GPHN: variants seen among roughly 807,000 people sequenced by gnomAD.
GPHN encodes the protein gephyrin.
A neutral mutation model predicts 95.5 loss-of-function variants in GPHN; 17 were observed. The ratio of observed to expected loss-of-function variants is 0.18; its 90% CI spans 0.12 to 0.27. The LOEUF (loss-of-function observed/expected upper bound fraction) is 0.27. GPHN is among the 10% of genes least tolerant of loss of function. GPHN has a pLI of 1.00. For synonymous variants in GPHN, 320 were observed against 322.5 expected (o/e 0.99, Z 0.08); for missense variants, 660 against 978.1 (o/e 0.67, Z 4.34).
At chr14:67,443,854 C>T in the GPHN span, among the ~76,000 whole-genome samples, 1 of 152,060 alleles carries the variant, frequency 6.6e-6, no homozygotes, top group Non-Finnish European at 1.5e-5. Flanking sequence ...GAAACAGGTA[C>T]AGAGAAATGT....
chr14:67,203,445 C>T, the GPHN span, among the ~76,000 whole-genome samples: 10 of 152,270 alleles, frequency 6.6e-5, no homozygotes, highest in African/African-American at 9.6e-5. Flanking sequence ...TCCTTGAAGA[C>T]GGGTGAAATC....
chr14:66,714,377 C>T (rs1432924659), intron 2 of GPHN, among the ~76,000 whole-genome samples: 1 of 152,100 alleles, frequency 6.6e-6, no homozygotes, highest in African/African-American at 2.4e-5. Context: ...ATTCTTTTAT[C>T]AGTTCTAGGA....
the GPHN span, among the ~76,000 whole-genome samples, chr14:67,262,387 T>C: frequency 6.6e-6 from 1 of 152,156 alleles, no homozygotes; most frequent in Non-Finnish European, 1.5e-5. Flanking sequence ...AGAGACCTTA[T>C]TCTATGCATT....
intron 11 of GPHN, among the ~76,000 whole-genome samples, chr14:67,074,515 G>A (rs2076423335): frequency 6.6e-6 from 1 of 152,032 alleles, no homozygotes; most frequent in Non-Finnish European, 1.5e-5. Flanking sequence ...TATTCTCTGA[G>A]ACACAGCAAG....
the GPHN span, chr14:67,333,040 G>A: frequency 7.2e-6 from 9 of 1,243,616 alleles, no homozygotes; most frequent in Middle Eastern, 1.9e-4. Context: ...CAGCAAGATT[G>A]AGGATAAGAT....
chr14:67,323,726 G>A, the GPHN span: 1 of 1,592,474 alleles, frequency 6.3e-7, no homozygotes, highest in South Asian at 1.1e-5. Context: ...CCGGAATTCA[G>A]ATTTGAAACC....
the GPHN span, among the ~76,000 whole-genome samples, chr14:67,599,752 G>C: frequency 6.6e-6 from 1 of 152,136 alleles, no homozygotes; most frequent in Non-Finnish European, 1.5e-5. Context: ...AGGCCGTCGC[G>C]CAAGAACTAG....
chr14:67,513,548 CCTGTAT>C, the GPHN span, among the ~76,000 whole-genome samples: 1 of 152,188 alleles, frequency 6.6e-6, no homozygotes, highest in Non-Finnish European at 1.5e-5. Context: ...TCCCCAGTTG[CCTGTAT>C]CTGTCTCCAA....
the GPHN span, chr14:67,642,142 G>A: frequency 6.3e-7 from 1 of 1,592,250 alleles, no homozygotes; most frequent in Admixed American, 1.7e-5. Flanking sequence ...AAGAGTTGGA[G>A]ATAGCACAGA....
At chr14:67,104,525 A>T (rs141631414) in intron 13 of GPHN, among the ~76,000 whole-genome samples, 2 of 152,200 alleles carry the variant, frequency 1.3e-5, no homozygotes, top group African/African-American at 4.8e-5. Flanking sequence ...TTACAGATTC[A>T]GTCTCATTAC....
intron 4 of GPHN, among the ~76,000 whole-genome samples, chr14:66,852,537 A>G (rs1000763330): frequency 2.6e-5 from 4 of 152,234 alleles, no homozygotes; most frequent in Non-Finnish European, 2.9e-5. Context: ...GTTCCCTGTT[A>G]TTATTTCTGG....
the GPHN span, among the ~76,000 whole-genome samples, chr14:67,505,010 A>C: frequency 5.3e-5 from 8 of 152,332 alleles, no homozygotes; most frequent in African/African-American, 1.9e-4. Context: ...AAGTTTTAAA[A>C]CATCCAGTCA....
chr14:66,964,310 A>G (rs1242600233), intron 8 of GPHN, among the ~76,000 whole-genome samples: 1 of 151,972 alleles, frequency 6.6e-6, no homozygotes, highest in Admixed American at 6.6e-5. Context: ...TAACCCTTGC[A>G]GTATTCCAGT....
the GPHN span, chr14:67,674,552 G>C: frequency 3.5e-6 from 5 of 1,437,392 alleles, no homozygotes; most frequent in Non-Finnish European, 4.6e-6. Flanking sequence ...TTCCTAGCCC[G>C]GCGGTCAGCC....
At chr14:67,178,726 A>G (rs987474811) in intron 21 of GPHN, among the ~76,000 whole-genome samples, 3 of 152,238 alleles carry the variant, frequency 2.0e-5, no homozygotes, top group South Asian at 4.1e-4. Context: ...ATCCAGATCC[A>G]GGAAGTTCAA....
At chr14:67,296,333 G>T in the GPHN span, among the ~76,000 whole-genome samples, 27 of 152,002 alleles carry the variant, frequency 1.8e-4, no homozygotes, top group Non-Finnish European at 2.9e-4. Context: ...GGATGCAGTG[G>T]CTCACGCCTG....
At chr14:67,606,801 C>T in the GPHN span, among the ~76,000 whole-genome samples, 1 of 152,106 alleles carries the variant, frequency 6.6e-6, no homozygotes, top group Admixed American at 6.6e-5. Context: ...CACGTGCCAC[C>T]ATGTCCAGCT....
At chr14:66,664,346 C>A (rs372632756) in intron 1 of GPHN, among the ~76,000 whole-genome samples, 1 of 152,132 alleles carries the variant, frequency 6.6e-6, no homozygotes. Context: ...CAAAACCACA[C>A]GATTGCATGA....
intron 18 of GPHN, among the ~76,000 whole-genome samples, chr14:67,153,814 T>C (rs2081424303): frequency 6.6e-6 from 1 of 152,172 alleles, no homozygotes. Context: ...TCTTCTCATA[T>C]GACTCTGGGG....
Sources: allele counts gnomAD v4.1 joint callset (sites outside exome capture counted in the v4.1 genomes callset), GRCh38; gene constraint gnomAD v4.1.1; transcripts MANE v1.5; gene names NCBI Gene and HGNC (gene_info 2026-07-23, HGNC 2026-07-21).